The following RAP1GDS1 variants were observed in gnomAD, a reference collection of about 807,000 sequenced individuals.
The protein encoded by RAP1GDS1 is Rap1 GTPase-GDP dissociation stimulator 1.
RAP1GDS1 carries 35 observed loss-of-function variants against 71.1 expected under a neutral mutation model. The ratio of observed to expected loss-of-function variants is 0.49; its 90% CI spans 0.38 to 0.65. RAP1GDS1 has a LOEUF of 0.65. Among genes scored for constraint, RAP1GDS1 ranks in the 30% least tolerant of loss-of-function variants. The pLI is 0.00. For synonymous variants in RAP1GDS1, 229 were observed against 243.1 expected (o/e 0.94, Z 0.54); for missense variants, 663 against 706.1 (o/e 0.94, Z 0.69).
chr4:98,303,024 C>T (rs999335366), intron 2 of RAP1GDS1, among the ~76,000 whole-genome samples: 3 of 146,998 alleles, frequency 2.0e-5, no homozygotes, highest in East Asian at 2.0e-4. Context: ...CTAGCCTGGG[C>T]GGTAGAGCAA....
chr4:98,378,719 A>G (rs1196325526), intron 4 of RAP1GDS1, among the ~76,000 whole-genome samples: 1 of 151,834 alleles, frequency 6.6e-6, no homozygotes, highest in Non-Finnish European at 1.5e-5. Context: ...TGAAAGAGGG[A>G]GTGAAAGTTT....
At position 98,438,481 on chromosome 4, in the gene RAP1GDS1, A is replaced by AT. The variant is rs538719616; in HGVS notation, c.1696+1418dup. On this transcript the variant is annotated intron_variant, in intron 14 of 14. Transcript: ENST00000408927. ...TGATATGGCTTAAGTGTGCAATCTT[A>AT]TTTTTGTTTTCTGTTTGTCACATTT... Among the ~76,000 whole-genome samples the AT allele has an allele frequency of 1.0e-3, 131 of 128,388 alleles. 1 individual carries two copies. Among genetic ancestry groups the AT allele is most frequent in the African/African-American group, 3.8e-3 (127 of 33,532 alleles). 84.2% of individuals were successfully genotyped at this position (128,388 alleles called of 152,430 possible).
At chr4:98,285,673 T>C (rs1326478373) in intron 1 of RAP1GDS1, among the ~76,000 whole-genome samples, 2 of 151,624 alleles carry the variant, frequency 1.3e-5, no homozygotes, top group African/African-American at 4.8e-5. Flanking sequence ...AGACAGTGGA[T>C]TTTCTAGGTT....
At chr4:98,315,655 G>A (rs565668571) in intron 2 of RAP1GDS1, among the ~76,000 whole-genome samples, 2 of 151,986 alleles carry the variant, frequency 1.3e-5, no homozygotes, top group Non-Finnish European at 1.5e-5. Flanking sequence ...ATGCAAGGAA[G>A]GGTCAAGAGG....
intron 1 of RAP1GDS1, among the ~76,000 whole-genome samples, chr4:98,273,023 G>C (rs930663358): frequency 6.6e-6 from 1 of 152,054 alleles, no homozygotes; most frequent in Admixed American, 6.6e-5. Flanking sequence ...GCAACTTCTC[G>C]TGTAGTTGTA....
intron 1 of RAP1GDS1, among the ~76,000 whole-genome samples, chr4:98,282,014 T>C (rs1487014673): frequency 2.0e-5 from 3 of 152,248 alleles, no homozygotes; most frequent in Admixed American, 6.5e-5. Flanking sequence ...GGTTTGCCAG[T>C]ATTTTATTGA....
intron 4 of RAP1GDS1, among the ~76,000 whole-genome samples, chr4:98,378,623 A>AT (rs767834476): frequency 1.0e-4 from 15 of 150,606 alleles, no homozygotes; most frequent in Admixed American, 6.0e-4. Context: ...ATATTTAGTG[A>AT]TTTTTTCAAC....
In RAP1GDS1 at chr4:98,418,644, T is replaced by C; in HGVS notation, c.1040-13T>C. 1.3e-6 allele frequency: 2 copies of C among 1,505,778 alleles called. No individual in the cohort carries two copies. Among genetic ancestry groups the C allele is most frequent in the East Asian group, 2.3e-5 (1 of 42,598 alleles). The allele number at this position is 1,505,778 out of a possible 1,614,324, so 93.3% of individuals were successfully genotyped here. A position where few individuals can be genotyped will look rare whatever the true frequency, so the allele number is the denominator to read the frequency against. ...TTAAAGAGGAAGAAAAAGATGTGTG[T>C]TTTTTTTTTCAGATGCAAATTGTAT... On this transcript the variant is annotated splice_polypyrimidine_tract_variant and intron_variant, in intron 9 of 14. Transcript: ENST00000408927.
chr4:98,304,767 C>T (rs1281419810), intron 2 of RAP1GDS1, among the ~76,000 whole-genome samples: 4 of 151,992 alleles, frequency 2.6e-5, no homozygotes, highest in African/African-American at 4.8e-5. Flanking sequence ...AAATCTTTCC[C>T]CTTGTCTATG....
At chr4:98,278,505 C>T (rs2110245622) in intron 1 of RAP1GDS1, among the ~76,000 whole-genome samples, 1 of 152,226 alleles carries the variant, frequency 6.6e-6, no homozygotes, top group Middle Eastern at 3.4e-3. Context: ...GCACAGTTAA[C>T]TACTTATGAT....
intron 2 of RAP1GDS1, among the ~76,000 whole-genome samples, chr4:98,318,497 A>C (rs978933943): frequency 6.6e-6 from 1 of 152,206 alleles, no homozygotes; most frequent in Non-Finnish European, 1.5e-5. Flanking sequence ...CCCCATCTCA[A>C]AATACTTTAT....
chr4:98,406,611 TAAGA>T (rs2110159027), intron 7 of RAP1GDS1, among the ~76,000 whole-genome samples: 1 of 152,144 alleles, frequency 6.6e-6, no homozygotes, highest in East Asian at 1.9e-4. Flanking sequence ...ATTTATAGAA[TAAGA>T]TAGAAGAATA....
intron 4 of RAP1GDS1, among the ~76,000 whole-genome samples, chr4:98,354,774 G>A (rs1737711945): frequency 6.6e-6 from 1 of 151,964 alleles, no homozygotes; most frequent in African/African-American, 2.4e-5. Context: ...TTCAATGGAA[G>A]TCATAGCTAA....
In RAP1GDS1 at chr4:98,278,877, A is replaced by G. The variant is rs539396137; in HGVS notation, c.5-14531A>G. Among the ~76,000 whole-genome samples, 12 of 152,298 alleles carry G rather than the reference A, an allele frequency of 7.9e-5. No homozygotes were observed. In the South Asian group the frequency reaches 2.5e-3, roughly 32 times the overall value. On this transcript the variant is annotated intron_variant, in intron 1 of 14. Coordinates refer to ENST00000408927, the MANE Select transcript of RAP1GDS1 (RefSeq NM_001100427.2). ...ATTTTTGGCCTTGCAGCATTAAATA[A>G]ATTTTCTAGGAAAAATGGCATTCCA...
intron 3 of RAP1GDS1, among the ~76,000 whole-genome samples, chr4:98,348,073 G>A (rs540290787): frequency 2.6e-5 from 4 of 152,076 alleles, no homozygotes; most frequent in African/African-American, 4.8e-5. Flanking sequence ...CCATTAACTC[G>A]TCATTTACAT....
chr4:98,271,684 T>C (rs1723485346), intron 1 of RAP1GDS1, among the ~76,000 whole-genome samples: 1 of 152,194 alleles, frequency 6.6e-6, no homozygotes, highest in Non-Finnish European at 1.5e-5. Context: ...TTAATAATTA[T>C]ATCTCATGGG....
intron 4 of RAP1GDS1, among the ~76,000 whole-genome samples, chr4:98,359,880 C>T (rs1177018084): frequency 6.6e-6 from 1 of 152,052 alleles, no homozygotes; most frequent in Non-Finnish European, 1.5e-5. Flanking sequence ...GCAGAGAGAA[C>T]GAAATTATAT....
At chr4:98,329,576 T>G (rs1733635347) in intron 2 of RAP1GDS1, among the ~76,000 whole-genome samples, 1 of 151,882 alleles carries the variant, frequency 6.6e-6, no homozygotes, top group Non-Finnish European at 1.5e-5. Flanking sequence ...GATCACGAGG[T>G]CAGAAGTTCG....
intron 4 of RAP1GDS1, among the ~76,000 whole-genome samples, chr4:98,367,472 T>C (rs1739670316): frequency 6.6e-6 from 1 of 152,134 alleles, no homozygotes; most frequent in South Asian, 2.1e-4. Context: ...ATAATGGAGC[T>C]GTGAGAAGAG....
Sources: gnomAD v4.1 joint callset for allele counts (sites outside exome capture counted in the v4.1 genomes callset) on GRCh38, gnomAD v4.1.1 for gene constraint, MANE v1.5 for transcripts, NCBI Gene and HGNC (gene_info 2026-07-23, HGNC 2026-07-21) for gene names.